The following ARHGAP26 variants were observed in gnomAD, a reference collection of about 807,000 sequenced individuals.
ARHGAP26 encodes the protein Rho GTPase activating protein 26.
In ARHGAP26, 38 loss-of-function variants were observed where a neutral mutation model predicts 104.8. The observed-to-expected ratio is 0.36, with a 90% CI of 0.28 to 0.48. The LOEUF (loss-of-function observed/expected upper bound fraction) is 0.48, where lower values mean the gene tolerates loss of function less well. ARHGAP26 is among the 20% of genes least tolerant of loss of function. The pLI, the probability that ARHGAP26 is intolerant of heterozygous loss-of-function variation, is 0.99. For missense variants in ARHGAP26, 704 were observed against 947.9 expected (o/e 0.74, Z 3.38); for synonymous variants, 341 against 340.0 (o/e 1.00, Z -0.03).
intron 11 of ARHGAP26, among the ~76,000 whole-genome samples, chr5:143,005,752 T>C (rs1032631743): frequency 6.6e-6 from 1 of 152,232 alleles, no homozygotes; most frequent in African/African-American, 2.4e-5. Context: ...ATTGTTGTAA[T>C]CATGTTTTGA....
intron 11 of ARHGAP26, among the ~76,000 whole-genome samples, chr5:142,950,642 A>G (rs1768181542): frequency 6.6e-6 from 1 of 152,206 alleles, no homozygotes; most frequent in South Asian, 2.1e-4. Flanking sequence ...ATTGACCCAG[A>G]AAGTCAACCT....
chr5:142,788,708 T>C (rs560425599), intron 1 of ARHGAP26, among the ~76,000 whole-genome samples: 1 of 152,322 alleles, frequency 6.6e-6, no homozygotes, highest in South Asian at 2.1e-4. Flanking sequence ...TGTGGGAGGA[T>C]GTGCTTAGGT....
At chr5:142,867,603 G>T (rs1754546454) in intron 1 of ARHGAP26, among the ~76,000 whole-genome samples, 1 of 152,104 alleles carries the variant, frequency 6.6e-6, no homozygotes, top group South Asian at 2.1e-4. Context: ...TGGGGCTTGT[G>T]CTGGGGCTAA....
At chr5:142,822,650 G>T (rs1313754189) in intron 1 of ARHGAP26, among the ~76,000 whole-genome samples, 1 of 152,012 alleles carries the variant, frequency 6.6e-6, no homozygotes, top group African/African-American at 2.4e-5. Context: ...CCATGTGTGT[G>T]TATGCACACA....
intron 9 of ARHGAP26, among the ~76,000 whole-genome samples, chr5:142,911,216 A>G (rs1761785829): frequency 6.6e-6 from 1 of 151,628 alleles, no homozygotes; most frequent in Non-Finnish European, 1.5e-5. Context: ...TTTGATTGAA[A>G]CCCTTCTTTA....
At chr5:142,838,075 A>G (rs1769956998) in intron 1 of ARHGAP26, among the ~76,000 whole-genome samples, 1 of 152,092 alleles carries the variant, frequency 6.6e-6, no homozygotes. Flanking sequence ...CATGGCCAAC[A>G]TGGTGAAACC....
intron 11 of ARHGAP26, among the ~76,000 whole-genome samples, chr5:142,968,950 C>T (rs1046737633): frequency 6.6e-6 from 1 of 152,156 alleles, no homozygotes; most frequent in Non-Finnish European, 1.5e-5. Context: ...TACTTATTTT[C>T]AGACAGGGTC....
intron 3 of ARHGAP26, among the ~76,000 whole-genome samples, chr5:142,876,556 G>A (rs1305314240): frequency 6.6e-6 from 1 of 151,662 alleles, no homozygotes; most frequent in Non-Finnish European, 1.5e-5. Context: ...TGAGAGGATC[G>A]CTTGAGCCTG....
intron 1 of ARHGAP26, among the ~76,000 whole-genome samples, chr5:142,852,273 C>T (rs1751645264): frequency 6.6e-6 from 1 of 152,204 alleles, no homozygotes; most frequent in African/African-American, 2.4e-5. Flanking sequence ...TCAGCCTTTG[C>T]AGTGTTGTGG....
intron 7 of ARHGAP26, among the ~76,000 whole-genome samples, chr5:142,902,617 C>T (rs1445603426): frequency 6.6e-6 from 1 of 152,210 alleles, no homozygotes; most frequent in African/African-American, 2.4e-5. Flanking sequence ...GCTTGAGCCC[C>T]CTTCTTCACT....
intron 10 of ARHGAP26, among the ~76,000 whole-genome samples, chr5:142,917,767 A>G (rs796733310): frequency 1.4e-4 from 21 of 152,258 alleles, no homozygotes; most frequent in African/African-American, 4.6e-4. Context: ...TCCTGGGCTC[A>G]AGCAATCTTC....
rs186768996 is a variant in ARHGAP26 at position 143,055,218 on chromosome 5, A to G, written c.1373+692A>G. 2.0e-5 allele frequency among the ~76,000 whole-genome samples: 3 copies of G among 152,328 alleles called. No individual in the cohort carries two copies. The East Asian group carries it at 5.8e-4, about 29-fold the overall frequency. On this transcript the variant is annotated intron_variant, in intron 15 of 22. Coordinates refer to ENST00000645722, the MANE Select transcript of ARHGAP26 (RefSeq NM_001135608.3). ...GACCTAGTCTTAAAAGGAGAGGGGA[A>G]TGGTCATCAGAAATAGCATAAGTCT...
chr5:142,950,807 C>T (rs568538366), intron 11 of ARHGAP26, among the ~76,000 whole-genome samples: 1 of 152,272 alleles, frequency 6.6e-6, no homozygotes, highest in African/African-American at 2.4e-5. Flanking sequence ...GAAAACTGTT[C>T]AGGAATGTGG....
At chr5:142,883,484 A>G (rs888862109) in intron 4 of ARHGAP26, among the ~76,000 whole-genome samples, 1 of 152,236 alleles carries the variant, frequency 6.6e-6, no homozygotes, top group African/African-American at 2.4e-5. Flanking sequence ...CAGTCTTTTA[A>G]GCAAAACTCA....
chr5:143,116,371 A>G (rs1232511916), intron 17 of ARHGAP26, among the ~76,000 whole-genome samples: 2 of 152,198 alleles, frequency 1.3e-5, no homozygotes, highest in African/African-American at 2.4e-5. Context: ...CTGTCACTAC[A>G]TTGTATCCAG....
intron 12 of ARHGAP26, among the ~76,000 whole-genome samples, chr5:143,022,238 A>AT (rs1053503331): frequency 7.3e-5 from 11 of 151,688 alleles, no homozygotes; most frequent in African/African-American, 1.5e-4. Flanking sequence ...CACCTGGCTA[A>AT]TTTTTTTTAT....
chr5:142,966,298 A>G (rs1598420087), intron 11 of ARHGAP26, among the ~76,000 whole-genome samples: 1 of 152,058 alleles, frequency 6.6e-6, no homozygotes, highest in East Asian at 1.9e-4. Flanking sequence ...TCCGTGACTA[A>G]TTTCCTCCTG....
chr5:143,069,840 A>G (rs1788000796), intron 17 of ARHGAP26, among the ~76,000 whole-genome samples: 1 of 152,252 alleles, frequency 6.6e-6, no homozygotes, highest in African/African-American at 2.4e-5. Flanking sequence ...GACCATCATC[A>G]TAATAAATAC....
chr5:142,974,889 C>T (rs1162270847), intron 11 of ARHGAP26, among the ~76,000 whole-genome samples: 2 of 152,180 alleles, frequency 1.3e-5, no homozygotes, highest in African/African-American at 4.8e-5. Flanking sequence ...TGCTAGCCTC[C>T]CTTGTTCCAC....
Sources: allele counts gnomAD v4.1 joint callset (sites outside exome capture counted in the v4.1 genomes callset), GRCh38; gene constraint gnomAD v4.1.1; transcripts MANE v1.5; gene names NCBI Gene and HGNC (gene_info 2026-07-23, HGNC 2026-07-21).